Variants in SLC10A7 observed in about 807,000 individuals in gnomAD.
SLC10A7 encodes the protein sodium/bile acid cotransporter 7.
In SLC10A7, 29 loss-of-function variants were observed where a neutral mutation model predicts 43.2. The ratio of observed to expected loss-of-function variants is 0.67; its 90% CI spans 0.50 to 0.92. The LOEUF (loss-of-function observed/expected upper bound fraction) is 0.92, where lower values mean the gene tolerates loss of function less well. SLC10A7 is among the 40% of genes least tolerant of loss of function. The pLI is 0.00. For missense variants in SLC10A7, 295 were observed against 403.2 expected, an observed-to-expected ratio of 0.73 and a Z score of 2.30; for synonymous variants, 152 against 144.8, an observed-to-expected ratio of 1.05 and a Z score of -0.35.
intron 6 of SLC10A7, among the ~76,000 whole-genome samples, chr4:146,323,799 C>A (rs1370910993): frequency 6.6e-6 from 1 of 152,082 alleles, no homozygotes; most frequent in East Asian, 1.9e-4. Context: ...TCCTATTCAA[C>A]ATAGTGTTGG....
rs1429736177 is a variant in SLC10A7, at chr4:146,435,060, A to G, written c.435+7723T>C. On this transcript the variant is annotated intron_variant, in intron 5 of 11. Transcript: ENST00000335472. ...TCTAGAAGCTGGCCCAGAACTGAGCATACAGTAGGAAGTCCACAAATGTTT... is the reference window on the plus strand; with the variant it reads ...TCTAGAAGCTGGCCCAGAACTGAGCGTACAGTAGGAAGTCCACAAATGTTT... Among the ~76,000 whole-genome samples the G allele has an allele frequency of 2.6e-5, 4 of 152,210 alleles. No homozygotes were observed. The East Asian group carries it at 7.7e-4, about 29-fold the overall frequency.
chr4:146,471,808 A>G (rs1280031659), intron 4 of SLC10A7, among the ~76,000 whole-genome samples: 4 of 152,196 alleles, frequency 2.6e-5, no homozygotes, highest in Non-Finnish European at 5.9e-5. Flanking sequence ...TAATTAGTAG[A>G]GCCTGCATTT....
intron 4 of SLC10A7, among the ~76,000 whole-genome samples, chr4:146,453,362 G>T (rs1276604112): frequency 3.9e-5 from 6 of 151,924 alleles, no homozygotes; most frequent in African/African-American, 1.4e-4. Flanking sequence ...AGTGATAAAT[G>T]GGAATGACAC....
chr4:146,478,997 A>G (rs1734247713), intron 4 of SLC10A7, among the ~76,000 whole-genome samples: 1 of 152,200 alleles, frequency 6.6e-6, no homozygotes, highest in Non-Finnish European at 1.5e-5. Flanking sequence ...TAAGAAAAAA[A>G]TTGCCATTTG....
intron 5 of SLC10A7, among the ~76,000 whole-genome samples, chr4:146,330,847 T>C (rs1733482665): frequency 6.6e-6 from 1 of 152,116 alleles, no homozygotes; most frequent in Non-Finnish European, 1.5e-5. Flanking sequence ...AACAGTGGTC[T>C]GGCTGAAGCT....
At chr4:146,296,779 C>G (rs530188079) in intron 7 of SLC10A7, among the ~76,000 whole-genome samples, 1 of 152,170 alleles carries the variant, frequency 6.6e-6, no homozygotes, top group East Asian at 1.9e-4. Flanking sequence ...GCTAGAAAGG[C>G]GTTAAAATGT....
intron 5 of SLC10A7, among the ~76,000 whole-genome samples, chr4:146,361,643 A>C (rs1354175392): frequency 1.3e-5 from 2 of 152,194 alleles, no homozygotes; most frequent in Admixed American, 1.3e-4. Flanking sequence ...ACTGTGAAGA[A>C]TGGAATAAAT....
chr4:146,492,023 C>G (rs1393168116), intron 4 of SLC10A7, among the ~76,000 whole-genome samples: 1 of 152,066 alleles, frequency 6.6e-6, no homozygotes, highest in Non-Finnish European at 1.5e-5. Context: ...TGAGACCATC[C>G]TGGCTAACAT....
intron 10 of SLC10A7, among the ~76,000 whole-genome samples, chr4:146,280,840 G>T (rs1440743838): frequency 6.6e-6 from 1 of 152,144 alleles, no homozygotes; most frequent in Non-Finnish European, 1.5e-5. Context: ...ATCAAGGGAT[G>T]ACAGAATATT....
At chr4:146,265,340 A>T (rs1728486992) in intron 10 of SLC10A7, among the ~76,000 whole-genome samples, 1 of 152,218 alleles carries the variant, frequency 6.6e-6, no homozygotes, top group South Asian at 2.1e-4. Flanking sequence ...TCACTTGCCA[A>T]TTGCTATCAC....
chr4:146,395,124 C>G (rs1227351643), intron 5 of SLC10A7, among the ~76,000 whole-genome samples: 1 of 152,060 alleles, frequency 6.6e-6, no homozygotes, highest in African/African-American at 2.4e-5. Context: ...ATCCCAGCAC[C>G]TTTGGAGGTG....
At chr4:146,467,467 A>C (rs1733133390) in intron 4 of SLC10A7, among the ~76,000 whole-genome samples, 1 of 144,392 alleles carries the variant, frequency 6.9e-6, no homozygotes, top group African/African-American at 2.8e-5. Context: ...ACACACACAC[A>C]CACACACACA....
At chr4:146,392,615 T>C (rs1738523084) in intron 5 of SLC10A7, among the ~76,000 whole-genome samples, 1 of 152,180 alleles carries the variant, frequency 6.6e-6, no homozygotes, top group Non-Finnish European at 1.5e-5. Flanking sequence ...CCAGGGCTCA[T>C]CACCTATGAA....
intron 5 of SLC10A7, among the ~76,000 whole-genome samples, chr4:146,364,859 T>C (rs571752590): frequency 9.2e-5 from 14 of 152,280 alleles, no homozygotes; most frequent in African/African-American, 2.9e-4. Flanking sequence ...TCATTACACA[T>C]TGTATGCTTG....
At chr4:146,356,160 C>T (rs139700335) in intron 5 of SLC10A7, among the ~76,000 whole-genome samples, 27 of 150,880 alleles carry the variant, frequency 1.8e-4, no homozygotes, top group African/African-American at 6.3e-4. Flanking sequence ...CTCATGCATA[C>T]TTACTTAAAG....
At chr4:146,393,319 T>C (rs1738586531) in intron 5 of SLC10A7, among the ~76,000 whole-genome samples, 1 of 152,082 alleles carries the variant, frequency 6.6e-6, no homozygotes, top group Non-Finnish European at 1.5e-5. Context: ...ATGAGCTTAT[T>C]AGCATTATCT....
Position 146,313,721 on chromosome 4 carries a change from C to T in SLC10A7, c.472-7712G>A, listed in dbSNP as rs192063280. 3.3e-3 allele frequency among the ~76,000 whole-genome samples: 504 copies of T among 152,188 alleles called. 3 individuals are homozygous for T. The highest frequency in any genetic ancestry group is 5.2e-3 in the Admixed American group (80 of 15,286). On this transcript the variant is annotated intron_variant, in intron 6 of 11. Coordinates refer to ENST00000335472, the MANE Select transcript of SLC10A7 (RefSeq NM_001029998.6). ...TTCTATCATAGACAGCAAATTACTA[C>T]GGAAACTAATGATGACTGTAGCCTT...
chr4:146,429,486 C>T (rs1231184954), intron 5 of SLC10A7, among the ~76,000 whole-genome samples: 2 of 152,074 alleles, frequency 1.3e-5, no homozygotes, highest in African/African-American at 4.8e-5. Flanking sequence ...AAAACAAACA[C>T]CTGCCTTCAT....
intron 5 of SLC10A7, among the ~76,000 whole-genome samples, chr4:146,424,596 G>T (rs1729191906): frequency 6.6e-6 from 1 of 151,696 alleles, no homozygotes; most frequent in South Asian, 2.1e-4. Flanking sequence ...GGAGACAGAG[G>T]TTACATTGAG....
Sources: allele counts gnomAD v4.1 joint callset (sites outside exome capture counted in the v4.1 genomes callset), GRCh38; gene constraint gnomAD v4.1.1; transcripts MANE v1.5; gene names NCBI Gene and HGNC (gene_info 2026-07-23, HGNC 2026-07-21).